The following ZBTB16 variants were observed in gnomAD, a reference collection of about 807,000 sequenced individuals.
The protein encoded by ZBTB16 is zinc finger and BTB domain containing 16, also known as zinc finger and BTB domain-containing protein 16.
ZBTB16 carries 8 observed loss-of-function variants against 56.8 expected under a neutral mutation model. That is an observed-to-expected ratio of 0.14 (90% CI 0.08 to 0.25). The LOEUF is 0.25. ZBTB16 is among the 10% of genes least tolerant of loss of function. The pLI, the probability that ZBTB16 is intolerant of heterozygous loss-of-function variation, is 1.00. For synonymous variants in ZBTB16, 363 were observed against 368.5 expected, an observed-to-expected ratio of 0.98 and a Z score of 0.17; for missense variants, 625 against 903.0, an observed-to-expected ratio of 0.69 and a Z score of 3.95.
intron 4 of ZBTB16, among the ~76,000 whole-genome samples, chr11:114,218,918 A>G (rs893401781): frequency 1.3e-5 from 2 of 152,254 alleles, no homozygotes; most frequent in Non-Finnish European, 2.9e-5. Flanking sequence ...GCCTGTTGCC[A>G]TAAACCTCAC....
At chr11:114,107,659 A>G (rs1056144298) in intron 2 of ZBTB16, among the ~76,000 whole-genome samples, 1 of 152,230 alleles carries the variant, frequency 6.6e-6, no homozygotes, top group Non-Finnish European at 1.5e-5. Flanking sequence ...CGCAACATTG[A>G]CTTTTTCTCA....
At chr11:114,243,791 G>T (rs901979897) in intron 5 of ZBTB16, among the ~76,000 whole-genome samples, 2 of 152,218 alleles carry the variant, frequency 1.3e-5, no homozygotes, top group Non-Finnish European at 2.9e-5. Context: ...GGTCCAATCA[G>T]TTGGCTTCAT....
At chr11:114,242,144 A>AC in intron 4 of ZBTB16, 23 bp from the exon 5 acceptor site, 1 of 1,612,988 alleles carries the variant, frequency 6.2e-7, no homozygotes, top group Non-Finnish European at 8.5e-7. Context: ...TTTCTGAGGC[A>AC]CCCCCTCTCC....
chr11:114,137,238 C>T lies in ZBTB16; in HGVS notation c.1269-19099C>T, dbSNP rs183584776. On this transcript the variant is annotated intron_variant, in intron 2 of 6. Coordinates refer to ENST00000335953, the MANE Select transcript of ZBTB16 (RefSeq NM_006006.6). ...CATTTGAAGTCTGCTATTCTCATCT[C>T]TCTACCAAAAGAGAAACTAAACTTC... 2.6e-5 allele frequency among the ~76,000 whole-genome samples: 4 copies of T among 152,304 alleles called. No homozygotes were observed. In the East Asian group the frequency reaches 7.7e-4, roughly 29 times the overall value.
At chr11:114,068,964 A>C (rs115401862) in intron 2 of ZBTB16, among the ~76,000 whole-genome samples, 561 of 152,176 alleles carry the variant, frequency 3.7e-3, no homozygotes, top group African/African-American at 0.013. Flanking sequence ...CTTGGTCTTT[A>C]TGTGTTTCTG....
chr11:114,083,849 T>C (rs1939868270), intron 2 of ZBTB16, among the ~76,000 whole-genome samples: 1 of 152,170 alleles, frequency 6.6e-6, no homozygotes, highest in South Asian at 2.1e-4. Context: ...AAGGTAACTA[T>C]ATGGCTTCCT....
chr11:114,189,947 T>C (rs1943452614), intron 4 of ZBTB16, among the ~76,000 whole-genome samples: 1 of 152,142 alleles, frequency 6.6e-6, no homozygotes, highest in African/African-American at 2.4e-5. Flanking sequence ...AACTGGTGAA[T>C]GGATAAACAA....
chr11:114,096,987 A>G (rs1487908267), intron 2 of ZBTB16, among the ~76,000 whole-genome samples: 1 of 152,232 alleles, frequency 6.6e-6, no homozygotes, highest in Non-Finnish European at 1.5e-5. Flanking sequence ...TTGAACAGAT[A>G]TTTGCACACC....
In ZBTB16 at chr11:114,117,225, A is replaced by G. The variant is rs79262169; in HGVS notation, c.1269-39112A>G. 9.7e-3 allele frequency among the ~76,000 whole-genome samples: 1,471 copies of G among 152,208 alleles called. 35 individuals carry two copies. The highest frequency in any genetic ancestry group is 0.032 in the African/African-American group (1,337 of 41,516). On this transcript the variant is annotated intron_variant, in intron 2 of 6. Transcript: ENST00000335953. ...GATGTATAAAGAGGTTGGTAGAGAT[A>G]GTAGCTGGAGGTATGGTTGTGAGCC...
Position 114,202,623 on chromosome 11 carries a change from G to C in ZBTB16, c.1453+15585G>C, listed in dbSNP as rs545285476. Among the ~76,000 whole-genome samples, 32 of 152,306 alleles carry C rather than the reference G, an allele frequency of 2.1e-4. No individual in the cohort carries two copies. In the South Asian group the frequency reaches 6.6e-3, roughly 32 times the overall value. ...AAATAATATCAATATTTTATAGACT[G>C]TAGGCTAAATAATGTATATATTTAG... is the stretch of plus-strand genomic sequence containing the variant. On this transcript the variant is annotated intron_variant, in intron 4 of 6. Transcript: ENST00000335953.
intron 2 of ZBTB16, among the ~76,000 whole-genome samples, chr11:114,103,895 G>A (rs1417486834): frequency 6.6e-6 from 1 of 152,114 alleles, no homozygotes; most frequent in Non-Finnish European, 1.5e-5. Context: ...TGTGGGTTTG[G>A]AGCCTGGGGA....
intron 2 of ZBTB16, among the ~76,000 whole-genome samples, chr11:114,108,104 C>G (rs184383955): frequency 6.6e-6 from 1 of 152,098 alleles, no homozygotes; most frequent in African/African-American, 2.4e-5. Context: ...ACGGCTTTAT[C>G]ATTCATTAAT....
chr11:114,186,878 C>T, intron 3 of ZBTB16, 74 bp from the exon 4 acceptor site: 2 of 1,435,088 alleles, frequency 1.4e-6, no homozygotes, highest in Non-Finnish European at 2.0e-6. Flanking sequence ...TCTACCTGCA[C>T]AGTTGTGGCC....
chr11:114,153,193 C>A (rs1299098080), intron 2 of ZBTB16, among the ~76,000 whole-genome samples: 1 of 152,216 alleles, frequency 6.6e-6, no homozygotes, highest in Admixed American at 6.5e-5. Context: ...TTTCCACATT[C>A]TTCCTTTGGT....
At chr11:114,097,346 AG>A (rs1189462407) in intron 2 of ZBTB16, among the ~76,000 whole-genome samples, 1 of 152,146 alleles carries the variant, frequency 6.6e-6, no homozygotes, top group African/African-American at 2.4e-5. Context: ...ACAGAGTTTC[AG>A]TTGGGGGAGA....
chr11:114,252,770 C>T lies in ZBTB16; in HGVS notation c.*2215C>T, dbSNP rs1353488058. Among the ~76,000 whole-genome samples the T allele has an allele frequency of 6.6e-6, 1 of 152,070 alleles. No homozygotes were observed. Among genetic ancestry groups the T allele is most frequent in the Non-Finnish European group, 1.5e-5 (1 of 68,032 alleles). The stretch of plus-strand genomic sequence containing the variant: ...AGGGAAGCCGGAGGGATGGGTGCTG[C>T]TGCGACGACCCCCCCGTCCCTCGGC... On this transcript the variant is annotated 3_prime_UTR_variant, in exon 7 of 7. Transcript: ENST00000335953.
At chr11:114,085,619 G>T (rs1939933514) in intron 2 of ZBTB16, among the ~76,000 whole-genome samples, 1 of 152,114 alleles carries the variant, frequency 6.6e-6, no homozygotes, top group Non-Finnish European at 1.5e-5. Context: ...GATTCAGGAG[G>T]GCTTCATGGA....
chr11:114,139,657 G>GTGTGTGTGTT (rs1238056999), intron 2 of ZBTB16, among the ~76,000 whole-genome samples: 10 of 151,966 alleles, frequency 6.6e-5, no homozygotes, highest in African/African-American at 1.7e-4. Context: ...GTGTGTGTGT[G>GTGTGTGTGTT]TGTGTGTAGT....
At chr11:114,108,062 C>T (rs192846344) in intron 2 of ZBTB16, among the ~76,000 whole-genome samples, 19 of 152,056 alleles carry the variant, frequency 1.2e-4, no homozygotes, top group Non-Finnish European at 1.9e-4. Context: ...GGTTTGAATG[C>T]TGCTTGTGAG....
Sources: gnomAD v4.1 joint callset for allele counts (sites outside exome capture counted in the v4.1 genomes callset) on GRCh38, gnomAD v4.1.1 for gene constraint, MANE v1.5 for transcripts, NCBI Gene and HGNC (gene_info 2026-07-23, HGNC 2026-07-21) for gene names.